The following RNASEK variants were observed in gnomAD, a reference collection of about 807,000 sequenced individuals.
RNASEK encodes the protein ribonuclease K.
Under a neutral mutation model 11.2 loss-of-function variants are expected in RNASEK, and 7 were observed. The ratio of observed to expected loss-of-function variants is 0.62; its 90% CI spans 0.35 to 1.17. The LOEUF is 1.17. RNASEK is among the 50% of genes most tolerant of loss of function. The pLI is 0.02. For missense variants in RNASEK, 101 were observed against 126.7 expected, an observed-to-expected ratio of 0.80 and a Z score of 0.97; for synonymous variants, 46 against 49.5, an observed-to-expected ratio of 0.93 and a Z score of 0.30.
chr17:7,013,893 C>T, intron 2 of RNASEK, 151 bp downstream of exon 2: 1 of 758,992 alleles, frequency 1.3e-6, no homozygotes, highest in Non-Finnish European at 2.2e-6. Flanking sequence ...TGGTTAGGAG[C>T]CAGGGAGTCA....
At chr17:7,013,383 T>C in intron 1 of RNASEK, 1 of 1,535,468 alleles carries the variant, frequency 6.5e-7, no homozygotes, top group Non-Finnish European at 8.7e-7. Context: ...CCTCCCCTCT[T>C]CCGCACTGTC....
At position 7,013,579 on chromosome 17, in the gene RNASEK, T is replaced by C. The variant is rs538533884; in HGVS notation, c.79-87T>C. On this transcript the variant is annotated intron_variant, in intron 1 of 2. Coordinates refer to ENST00000593646, the MANE Select transcript of RNASEK (RefSeq NM_001004333.5). Reference sequence around the variant, plus strand: ...TGGTTAATCTCAGGCTCGGGTGTTGTAGCAACATTGGAAATGGGAGGGGTT... The same window carrying C: ...TGGTTAATCTCAGGCTCGGGTGTTGCAGCAACATTGGAAATGGGAGGGGTT... 55 of 1,603,980 alleles carry C rather than the reference T, an allele frequency of 3.4e-5. No homozygotes were observed. In the African/African-American group the frequency reaches 7.0e-4, roughly 20 times the overall value.
chr17:7,014,036 G>A lies in RNASEK; in HGVS notation c.156-109G>A. ...ACCCCATAGGATGGTCAAGAAGATT[G>A]AATAAAGTAATACACGTAACAGCGC... is the stretch of plus-strand genomic sequence containing the variant. On this transcript the variant is annotated intron_variant, in intron 2 of 2. Transcript: ENST00000593646. This position sits in a 1 kb window ranked among gnomAD's most constrained non-coding sequence, Gnocchi z 4.5. The A allele has an allele frequency of 9.5e-7, 1 of 1,053,898 alleles. No individual in the cohort carries two copies. 65.3% of individuals were successfully genotyped at this position (1,053,898 alleles called of 1,614,324 possible). A position where few individuals can be genotyped will look rare whatever the true frequency, so the allele number is the denominator to read the frequency against.
Position 7,014,218 on chromosome 17 carries a change from C to T in RNASEK, c.229C>T (p.Leu77Phe). The change falls in exon 3 of 3, where the codon CTC becomes TTC. Residue 77 changes from leucine to phenylalanine, a missense_variant. Leu to Phe is a conservative substitution (Grantham distance 22). Transcript: ENST00000593646. The surrounding 1 kb of genome is among the most constrained non-coding windows in gnomAD (Gnocchi z 4.5). ...YNCFIAAGLY[L>F]LLGGFSFCQV... ...CTGTTTCATCGCTGCAGGCCTTTAC[C>T]TCCTCCTCGGAGGCTTCTCTTTCTG... is the stretch of plus-strand genomic sequence containing the variant. The T allele has an allele frequency of 1.2e-6, 2 of 1,610,978 alleles. No homozygotes were observed. Among genetic ancestry groups the T allele is most frequent in the Non-Finnish European group, 1.7e-6 (2 of 1,178,530 alleles).
chr17:7,012,978 A>G, intron 1 of RNASEK: 1 of 561,074 alleles, frequency 1.8e-6, no homozygotes, highest in South Asian at 2.1e-5. Flanking sequence ...TACAAAAATT[A>G]GCCGGGCGTG....
At chr17:7,013,822 C>A in intron 2 of RNASEK, 80 bp downstream of exon 2, 1 of 1,157,578 alleles carries the variant, frequency 8.6e-7, no homozygotes, top group Non-Finnish European at 1.3e-6. Context: ...GTCTGGGAGG[C>A]CCGGTGCTTA....
At chr17:7,013,142 G>T (rs370453340) in intron 1 of RNASEK, 9 of 491,290 alleles carry the variant, frequency 1.8e-5, no homozygotes, top group African/African-American at 1.2e-4. Context: ...AAAGAAAAAA[G>T]GGAACTGGAG....
At position 7,012,633 on chromosome 17, in the gene RNASEK, C is replaced by T. The variant is rs916908013; in HGVS notation, c.-51C>T. 1.2e-6 allele frequency: 2 copies of T among 1,605,224 alleles called. No individual in the cohort carries two copies. Among genetic ancestry groups the T allele is most frequent in the South Asian group, 2.2e-5 (2 of 90,298 alleles). ...TGCGAGGGCATCCTGGGCTTTCTCC[C>T]ACCGCTTTCCGAGCCCGCTTGCACC... On this transcript the variant is annotated 5_prime_UTR_variant, in exon 1 of 3. Transcript: ENST00000593646.
Position 7,012,666 on chromosome 17 carries a change from T to G in RNASEK, c.-18T>G. 6.2e-7 allele frequency: 1 copy of G among 1,612,198 alleles called. No homozygotes were observed. Among genetic ancestry groups the G allele is most frequent in the Non-Finnish European group, 8.5e-7 (1 of 1,179,796 alleles). ...TCCGAGCCCGCTTGCACCTCGGCGATCCCCGACTCCCTTCTTTATGGCGTC... is the reference window on the plus strand; with the variant it reads ...TCCGAGCCCGCTTGCACCTCGGCGAGCCCCGACTCCCTTCTTTATGGCGTC... On this transcript the variant is annotated 5_prime_UTR_variant, in exon 1 of 3. Transcript: ENST00000593646.
intron 1 of RNASEK, chr17:7,013,240 T>G: frequency 9.0e-7 from 1 of 1,111,256 alleles, no homozygotes; most frequent in Non-Finnish European, 1.3e-6. Context: ...GCCTGAGAGG[T>G]GCTTGAGTTG....
Position 7,012,719 on chromosome 17 carries a change from C to T in RNASEK, c.36C>T (p.Ala12=). ...TCCTGTGCTGTGGGCCGAAGCTGGC[C>T]GCCTGCGGCATCGTCCTCAGCGCCT... is the stretch of plus-strand genomic sequence containing the variant. The part of the protein sequence containing the change: ...ASLLCCGPKL[A]ACGIVLSAWG... Residue 12 remains alanine (A), a synonymous_variant, in exon 1 of 3, where the codon GCC becomes GCT. Coordinates refer to ENST00000593646, the MANE Select transcript of RNASEK (RefSeq NM_001004333.5). 6.2e-7 allele frequency: 1 copy of T among 1,613,366 alleles called. No individual in the cohort carries two copies. The highest frequency in any genetic ancestry group is 8.5e-7 in the Non-Finnish European group (1 of 1,179,822).
In RNASEK at chr17:7,014,268, G is replaced by A; in HGVS notation, c.279G>A (p.Lys93=). The change falls in exon 3 of 3, where the codon AAG becomes AAA. Residue 93 remains lysine (K), a synonymous_variant. Coordinates refer to ENST00000593646, the MANE Select transcript of RNASEK (RefSeq NM_001004333.5). This position sits in a 1 kb window ranked among gnomAD's most constrained non-coding sequence, Gnocchi z 4.5. Reference sequence around the variant, plus strand: ...GCCAAGTTCGGCTCAATAAGCGCAAGGAATACATGGTGCGCTAGGGCCCCG... The same window carrying A: ...GCCAAGTTCGGCTCAATAAGCGCAAAGAATACATGGTGCGCTAGGGCCCCG... ...SFCQVRLNKR[K]EYMVR The A allele has an allele frequency of 6.2e-7, 1 of 1,613,836 alleles. No homozygotes were observed. Among genetic ancestry groups the A allele is most frequent in the Non-Finnish European group, 8.5e-7 (1 of 1,179,852 alleles).
chr17:7,013,728 G>T lies in RNASEK; in HGVS notation c.141G>T (p.Thr47=), dbSNP rs767906821. The change falls in exon 2 of 3, where the codon ACG becomes ACT. Residue 47 remains threonine, a synonymous_variant. Coordinates refer to ENST00000593646, the MANE Select transcript of RNASEK (RefSeq NM_001004333.5). Reference sequence around the variant, plus strand: ...TGTTGATTGAGGACGTTCCCTTCACGGAGAAAGATTTTGAGTAAGTATTCG... The same window carrying T: ...TGTTGATTGAGGACGTTCCCTTCACTGAGAAAGATTTTGAGTAAGTATTCG... ...SAVLIEDVPF[T]EKDFENGPQN... 3 of 1,612,148 alleles carry T rather than the reference G, an allele frequency of 1.9e-6. No homozygotes were observed. The highest frequency in any genetic ancestry group is 2.5e-6 in the Non-Finnish European group (3 of 1,178,558).
At chr17:7,013,261 A>G (rs1472676820) in intron 1 of RNASEK, 2 of 1,301,640 alleles carry the variant, frequency 1.5e-6, no homozygotes, top group East Asian at 2.5e-5. Context: ...AATGGAGGAC[A>G]TGGGAGGAAA....
At position 7,013,704 on chromosome 17, in the gene RNASEK, G is replaced by A. The variant is rs1215018542; in HGVS notation, c.117G>A (p.Val39=). ...TATTTTTCAATGTCCATTCCGCTGTGTTGATTGAGGACGTTCCCTTCACGG... is the reference window on the plus strand; with the variant it reads ...TATTTTTCAATGTCCATTCCGCTGTATTGATTGAGGACGTTCCCTTCACGG... ...LGIFFNVHSA[V]LIEDVPFTEK... is the part of the protein sequence containing the mutation. Residue 39 remains valine, a synonymous_variant, in exon 2 of 3, where the codon GTG becomes GTA. Coordinates refer to ENST00000593646, the MANE Select transcript of RNASEK (RefSeq NM_001004333.5). The A allele has an allele frequency of 4.4e-6, 7 of 1,590,584 alleles. No individual in the cohort carries two copies. The highest frequency in any genetic ancestry group is 6.0e-6 in the Non-Finnish European group (7 of 1,166,576).
chr17:7,013,073 C>G, intron 1 of RNASEK: 1 of 448,668 alleles, frequency 2.2e-6, no homozygotes. Context: ...TGCAGTGAGC[C>G]GAGATCGCGC....
At chr17:7,012,871 C>T (rs1009085041) in intron 1 of RNASEK, 110 bp downstream of exon 1, 6 of 906,002 alleles carry the variant, frequency 6.6e-6, no homozygotes, top group Non-Finnish European at 1.0e-5. Context: ...GGCCGGGGAT[C>T]TACAGGCCCC....
At chr17:7,012,810 G>A in intron 1 of RNASEK, 49 bp downstream of exon 1, 1 of 1,527,832 alleles carries the variant, frequency 6.5e-7, no homozygotes, top group Non-Finnish European at 8.9e-7. Flanking sequence ...GGGGCTCCGG[G>A]CTGGGAGGGC....
intron 1 of RNASEK, chr17:7,013,127 A>T: frequency 2.2e-6 from 1 of 458,812 alleles, no homozygotes; most frequent in South Asian, 2.5e-5. Flanking sequence ...TCCGTCCCCA[A>T]AGAAAAAGAA....
Sources: allele counts gnomAD v4.1 joint callset, GRCh38; gene constraint gnomAD v4.1.1; non-coding constraint Gnocchi (gnomAD v3.1); transcripts MANE v1.5; gene names NCBI Gene and HGNC (gene_info 2026-07-23, HGNC 2026-07-21).